The following PRPF8 variants were observed in gnomAD, a reference collection of about 807,000 sequenced individuals.
The protein encoded by PRPF8 is pre-mRNA-processing-splicing factor 8.
A neutral mutation model predicts 285.9 loss-of-function variants in PRPF8; 64 were observed. That is an observed-to-expected ratio of 0.22 (90% CI 0.18 to 0.28). The LOEUF (loss-of-function observed/expected upper bound fraction) is 0.28. Ranked by LOEUF, PRPF8 falls within the 10% of genes least tolerant of loss-of-function variation. PRPF8 has a pLI of 1.00. For synonymous variants in PRPF8, 1,325 were observed against 1,118.2 expected (o/e 1.18, Z -3.69); for missense variants, 1,426 against 3,026.7 (o/e 0.47, Z 12.41).
intron 21 of PRPF8, 145 bp downstream of exon 21, chr17:1,674,297 C>T (rs966927431): frequency 1.1e-5 from 10 of 875,310 alleles, no homozygotes; most frequent in Non-Finnish European, 1.9e-5. Flanking sequence ...GCTGGGATTA[C>T]AGGCGTGAGC....
rs928902405 is a variant in PRPF8 at position 1,684,455 on chromosome 17, CCA to C, written c.100+15_100+16del. ...CCCCGCCTCCGGCCCGCGCGCCGCT[CCA>C]CACTCTCGCCTCACCTTTCTCCTGC... On this transcript the variant is annotated intron_variant, in intron 2 of 42. Coordinates refer to ENST00000304992, the MANE Select transcript of PRPF8 (RefSeq NM_006445.4). 3.7e-6 allele frequency: 6 copies of C among 1,612,320 alleles called. No individual in the cohort carries two copies. The African/African-American group carries it at 6.7e-5, about 18-fold the overall frequency.
In PRPF8 at chr17:1,675,977, G is replaced by A. The variant is rs1912584119; in HGVS notation, c.2630C>T (p.Ala877Val). The A allele has an allele frequency of 1.2e-6, 2 of 1,613,994 alleles. No individual in the cohort carries two copies. Among genetic ancestry groups the A allele is most frequent in the African/African-American group, 1.3e-5 (1 of 75,020 alleles). The change falls in exon 18 of 43, where the codon GCG (alanine) becomes GTG (valine). Residue 877 changes from alanine to valine, a missense_variant. Physicochemically the swap from Ala to Val is moderately conservative, Grantham distance 64 (BLOSUM62 0). Around this residue, in one of 34 missense-constraint regions of PRPF8, gnomAD observed 70 missense variants for 273.7 expected, o/e 0.26. Coordinates refer to ENST00000304992, the MANE Select transcript of PRPF8 (RefSeq NM_006445.4). This position sits in a 1 kb window ranked among gnomAD's most constrained non-coding sequence, Gnocchi z 6.0. ...IEQAYDNPHEALSRIKRHLLT... is the reference protein window; with the variant it reads ...IEQAYDNPHEVLSRIKRHLLT... ...GAGGTGACGCTTGATGCGGGACAGC[G>A]CCTCGTGGGGGTTATCGTAGGCCTG...
chr17:1,672,348 C>T (rs1181139975), intron 24 of PRPF8, among the ~76,000 whole-genome samples: 4 of 152,182 alleles, frequency 2.6e-5, no homozygotes, highest in Admixed American at 6.5e-5. Flanking sequence ...GGTACGATCT[C>T]GACTCACAGC....
Position 1,650,706 on chromosome 17 carries a change from CAG to C in PRPF8, c.*94_*95del, listed in dbSNP as rs772164641. On this transcript the variant is annotated 3_prime_UTR_variant, in exon 43 of 43. Coordinates refer to ENST00000304992, the MANE Select transcript of PRPF8 (RefSeq NM_006445.4). ...AGGAGGTCAACAACACAAGCACAGA[CAG>C]AGGGAAAGAGGCCAAACTGCTGAAT... 7 of 1,432,916 alleles carry C rather than the reference CAG, an allele frequency of 4.9e-6. No individual in the cohort carries two copies. In the African/African-American group the frequency reaches 8.5e-5, roughly 17 times the overall value. The allele number at this position is 1,432,916 out of a possible 1,614,324, so 88.8% of individuals were successfully genotyped here.
Position 1,659,257 on chromosome 17 carries a change from C to CTCAGA in PRPF8, c.5138+95_5138+99dup, listed in dbSNP as rs1398552694. The CTCAGA allele has an allele frequency of 6.6e-6, 9 of 1,358,218 alleles. No homozygotes were observed. The African/African-American group carries it at 1.1e-4, about 17-fold the overall frequency. The allele number at this position is 1,358,218 out of a possible 1,614,324, so 84.1% of individuals were successfully genotyped here. On this transcript the variant is annotated intron_variant, in intron 32 of 42. Transcript: ENST00000304992. This position sits in a 1 kb window ranked among gnomAD's most constrained non-coding sequence, Gnocchi z 5.1. The stretch of plus-strand genomic sequence containing the variant: ...CCCAGACTGGTCTCAAACTCCTGAG[C>CTCAGA]TCAGACAATCTGCCCACCGCGGCCT...
Position 1,676,619 on chromosome 17 carries a change from T to G in PRPF8, c.2274A>C (p.Arg758=). 6.2e-7 allele frequency: 1 copy of G among 1,614,204 alleles called. No individual in the cohort carries two copies. Among genetic ancestry groups the G allele is most frequent in the Non-Finnish European group, 8.5e-7 (1 of 1,180,036 alleles). The change falls in exon 16 of 43, where the codon CGA becomes CGC. Residue 758 remains arginine, a synonymous_variant. Coordinates refer to ENST00000304992, the MANE Select transcript of PRPF8 (RefSeq NM_006445.4). The surrounding 1 kb of genome is among the most constrained non-coding windows in gnomAD (Gnocchi z 6.3). ...DWWTNTAHYN[R]ERIRRGATVD... ...CAGTGGCCCCTCGGCGGATCCGTTCTCGGTTGTAGTGGGCAGTGTTGGTCC... is the reference window on the plus strand; with the variant it reads ...CAGTGGCCCCTCGGCGGATCCGTTCGCGGTTGTAGTGGGCAGTGTTGGTCC...
In PRPF8 at chr17:1,681,522, A is replaced by G; in HGVS notation, c.822T>C (p.Pro274=). The change falls in exon 6 of 43, where the codon CCT becomes CCC. Residue 274 remains proline, a synonymous_variant. Coordinates refer to ENST00000304992, the MANE Select transcript of PRPF8 (RefSeq NM_006445.4). ...FTSKALNMAI[P]GGPKFEPLVR... ...CAAGAGGTTCAAATTTGGGGCCTCC[A>G]GGAATGGCCATATTGAGTGCCTTGG... 6.2e-7 allele frequency: 1 copy of G among 1,612,720 alleles called. No individual in the cohort carries two copies.
chr17:1,653,689 A>C lies in PRPF8; in HGVS notation c.6228-6T>G, dbSNP rs1911201200. 1 of 1,613,996 alleles carries C rather than the reference A, an allele frequency of 6.2e-7. No individual in the cohort carries two copies. The highest frequency in any genetic ancestry group is 1.3e-5 in the African/African-American group (1 of 74,898). ...GGTTGGCAGCAGAGATGGCCCTAAAAACAGGCAGGGAGTGTCAGCATCGCT... is the reference window on the plus strand; with the variant it reads ...GGTTGGCAGCAGAGATGGCCCTAAACACAGGCAGGGAGTGTCAGCATCGCT... On this transcript the variant is annotated splice_polypyrimidine_tract_variant and splice_region_variant and intron_variant, in intron 38 of 42. Coordinates refer to ENST00000304992, the MANE Select transcript of PRPF8 (RefSeq NM_006445.4). This position sits in a 1 kb window ranked among gnomAD's most constrained non-coding sequence, Gnocchi z 4.9.
chr17:1,677,246 C>T, intron 14 of PRPF8, 74 bp from the exon 15 acceptor site: 1 of 1,387,372 alleles, frequency 7.2e-7, no homozygotes, highest in Non-Finnish European at 1.0e-6. Flanking sequence ...CCTTCATGCT[C>T]CTCACTCATT....
At position 1,650,684 on chromosome 17, in the gene PRPF8, A is replaced by T. The variant is rs1910980125; in HGVS notation, c.*118T>A. ...TTATTCAGGATGACAAGCCATCAGG[A>T]GGTCAACAACACAAGCACAGACAGA... On this transcript the variant is annotated 3_prime_UTR_variant, in exon 43 of 43. Coordinates refer to ENST00000304992, the MANE Select transcript of PRPF8 (RefSeq NM_006445.4). The T allele has an allele frequency of 8.8e-7, 1 of 1,132,390 alleles. No individual in the cohort carries two copies. The highest frequency in any genetic ancestry group is 1.8e-5 in the Admixed American group (1 of 56,060). 70.1% of individuals were successfully genotyped at this position (1,132,390 alleles called of 1,614,324 possible).
intron 37 of PRPF8, among the ~76,000 whole-genome samples, 181 bp downstream of exon 37, chr17:1,655,169 G>C (rs1458424554): frequency 6.7e-6 from 1 of 149,980 alleles, no homozygotes; most frequent in Non-Finnish European, 1.5e-5. Flanking sequence ...CGTTGGCCAG[G>C]ATGGTTTCAA....
Position 1,678,528 on chromosome 17 carries a change from C to T in PRPF8, c.1844G>A (p.Arg615His). Residue 615 changes from arginine to histidine, a missense_variant, in exon 13 of 43, where the codon CGT becomes CAT. Arg to His is a conservative substitution (Grantham distance 29). Around this residue, in one of 34 missense-constraint regions of PRPF8, gnomAD observed 69 missense variants for 134.7 expected, o/e 0.51. Coordinates refer to ENST00000304992, the MANE Select transcript of PRPF8 (RefSeq NM_006445.4). ...CKDLKHLIYY[R>H]FNTGPVGKGP... The stretch of plus-strand genomic sequence containing the variant: ...AAGTCAAGGTCTCACCGTGTTGAAA[C>T]GATAATAGATGAGATGCTTCAGGTC... 2 of 1,614,144 alleles carry T rather than the reference C, an allele frequency of 1.2e-6. No homozygotes were observed. Among genetic ancestry groups the T allele is most frequent in the Non-Finnish European group, 1.7e-6 (2 of 1,180,024 alleles).
chr17:1,654,461 T>G (rs1345841754), intron 37 of PRPF8: 1 of 311,708 alleles, frequency 3.2e-6, no homozygotes, highest in African/African-American at 2.1e-5. Context: ...ACTTAGGGTC[T>G]CGGATGTTCA....
intron 6 of PRPF8, 102 bp downstream of exon 6, chr17:1,681,376 G>C: frequency 7.8e-7 from 1 of 1,282,394 alleles, no homozygotes; most frequent in Non-Finnish European, 1.1e-6. Context: ...CACTGCACCT[G>C]GTGTAAACAG....
intron 24 of PRPF8, among the ~76,000 whole-genome samples, chr17:1,666,546 CAA>C (rs1555552060): frequency 2.7e-5 from 3 of 112,824 alleles, no homozygotes; most frequent in Admixed American, 9.8e-5. Context: ...GACCCCATCT[CAA>C]AAAAAAAAAA....
intron 2 of PRPF8, among the ~76,000 whole-genome samples, chr17:1,684,013 A>C (rs1056688665): frequency 1.6e-4 from 24 of 149,436 alleles, no homozygotes; most frequent in Non-Finnish European, 2.5e-4. Context: ...CAGCCTCCCC[A>C]GTAGCTGGGA....
intron 13 of PRPF8, 38 bp downstream of exon 13, chr17:1,678,480 T>A (rs1330038930): frequency 6.2e-7 from 1 of 1,613,716 alleles, no homozygotes; most frequent in Non-Finnish European, 8.5e-7. Context: ...TAAGACTCTG[T>A]CTCAAAAAAA....
rs576694701 is a variant in PRPF8, at chr17:1,654,041, T to C, written c.5988-25A>G. ...ACTGTGGGGATGGTGTGGGTTATAT[T>C]ACAAGGATCCCTTCCCCTTGGTCAC... is the stretch of plus-strand genomic sequence containing the variant. On this transcript the variant is annotated intron_variant, in intron 37 of 42. Transcript: ENST00000304992. 5 of 1,614,014 alleles carry C rather than the reference T, an allele frequency of 3.1e-6. No homozygotes were observed. The East Asian group carries it at 6.7e-5, about 22-fold the overall frequency.
At position 1,659,971 on chromosome 17, in the gene PRPF8, T is replaced by C. The variant is rs1185989720; in HGVS notation, c.4816A>G (p.Ile1606Val). The change falls in exon 31 of 43, where the codon ATT becomes GTT. Residue 1606 changes from isoleucine to valine, a missense_variant. Physicochemically the swap from Ile to Val is conservative, Grantham distance 29 (BLOSUM62 3). Coordinates refer to ENST00000304992, the MANE Select transcript of PRPF8 (RefSeq NM_006445.4). This position sits in a 1 kb window ranked among gnomAD's most constrained non-coding sequence, Gnocchi z 5.1. ...ATTGTCTCCTTTTGTACTGTCTCAA[T>C]TTCCAGTGCATCAAGTTCCTGGTCA... Reference protein sequence around the residue: ...VFDQELDALEIETVQKETIHP... With the variant: ...VFDQELDALEVETVQKETIHP... 5.0e-6 allele frequency: 8 copies of C among 1,614,036 alleles called. No homozygotes were observed. In the Admixed American group the frequency reaches 8.3e-5, roughly 17 times the overall value.
Sources: gnomAD v4.1 joint callset for allele counts (sites outside exome capture counted in the v4.1 genomes callset) on GRCh38, gnomAD v4.1.1 for gene constraint, gnomAD v4.1.1 regional missense constraint, Gnocchi (gnomAD v3.1) non-coding constraint, MANE v1.5 for transcripts, NCBI Gene and HGNC (gene_info 2026-07-23, HGNC 2026-07-21) for gene names.